Variants in FAM227A observed in about 807,000 individuals in gnomAD.
FAM227A encodes protein FAM227A.
A neutral mutation model predicts 74.7 loss-of-function variants in FAM227A; 80 were observed. The observed-to-expected ratio is 1.07, with a 90% CI of 0.89 to 1.29. The LOEUF is 1.29. Ranked by LOEUF, FAM227A falls within the 50% of genes most tolerant of loss-of-function variation. FAM227A has a pLI of 0.00. For synonymous variants in FAM227A, 237 were observed against 241.8 expected (o/e 0.98, Z 0.19); for missense variants, 654 against 683.4 (o/e 0.96, Z 0.48).
chr22:38,596,138 T>G (rs540992003), intron 15 of FAM227A, among the ~76,000 whole-genome samples: 1 of 152,160 alleles, frequency 6.6e-6, no homozygotes, highest in African/African-American at 2.4e-5. Flanking sequence ...CCAGGCAACA[T>G]GGTGAATCCC....
intron 11 of FAM227A, among the ~76,000 whole-genome samples, chr22:38,609,681 C>T (rs2091369368): frequency 6.6e-6 from 1 of 152,208 alleles, no homozygotes; most frequent in Non-Finnish European, 1.5e-5. Flanking sequence ...GGCTGTCCAA[C>T]AGCTACTGGT....
chr22:38,582,462 C>A lies in FAM227A; in HGVS notation c.*3663G>T. On this transcript the variant is annotated 3_prime_UTR_variant, in exon 17 of 17. Transcript: ENST00000535113. ...TCATTTGCTTTATCCCACATTACAG[C>A]AAATGCTTTTTAAATGTTAGTTCCC... 6.5e-7 allele frequency: 1 copy of A among 1,527,372 alleles called. No individual in the cohort carries two copies. The allele number at this position is 1,527,372 out of a possible 1,614,324, so 94.6% of individuals were successfully genotyped here. A position where few individuals can be genotyped will look rare whatever the true frequency, so the allele number is the denominator to read the frequency against.
At chr22:38,588,393 T>C (rs2090854204) in intron 16 of FAM227A, among the ~76,000 whole-genome samples, 1 of 151,640 alleles carries the variant, frequency 6.6e-6, no homozygotes, top group Admixed American at 6.6e-5. Flanking sequence ...CCGAGGTGGG[T>C]GGATCACCTG....
chr22:38,611,198 C>T (rs936841293), intron 11 of FAM227A, among the ~76,000 whole-genome samples: 3 of 152,212 alleles, frequency 2.0e-5, no homozygotes, highest in Admixed American at 1.3e-4. Flanking sequence ...TGTCCCATCC[C>T]AGCATAGAGG....
In FAM227A at chr22:38,613,136, A is replaced by AAT. The variant is rs1355050256; in HGVS notation, c.1039-5662_1039-5661dup. 3.1e-3 allele frequency among the ~76,000 whole-genome samples: 272 copies of AAT among 88,518 alleles called. 1 individual carries two copies. Among genetic ancestry groups the AAT allele is most frequent in the Non-Finnish European group, 4.4e-3 (222 of 50,836 alleles). The allele number at this position is 88,518 out of a possible 152,430, so 58.1% of individuals were successfully genotyped here. On this transcript the variant is annotated intron_variant, in intron 11 of 16. Coordinates refer to ENST00000535113, the MANE Select transcript of FAM227A (RefSeq NM_001013647.2). Reference sequence around the variant, plus strand: ...ATATATTATATATAATTATATATATAATATATATATTATATATTATATATC... The same window carrying AAT: ...ATATATTATATATAATTATATATATAATATATATATATTATATATTATATATC...
chr22:38,582,584 A>C lies in FAM227A; in HGVS notation c.*3541T>G. 1.3e-6 allele frequency: 1 copy of C among 770,988 alleles called. No homozygotes were observed. The highest frequency in any genetic ancestry group is 2.7e-5 in the East Asian group (1 of 37,378). The allele number at this position is 770,988 out of a possible 1,614,324, so 47.8% of individuals were successfully genotyped here. On this transcript the variant is annotated 3_prime_UTR_variant, in exon 17 of 17. Transcript: ENST00000535113. ...ACAAAGGGCAGAGACAGGTTTCTTC[A>C]TATTTAACATCCTGAGAGGCTACAA...
chr22:38,632,650 GAGT>G (rs1467010878), intron 6 of FAM227A, among the ~76,000 whole-genome samples: 2 of 152,180 alleles, frequency 1.3e-5, no homozygotes, highest in Non-Finnish European at 1.5e-5. Flanking sequence ...AGACGACAGA[GAGT>G]AGAAGGGAGG....
intron 11 of FAM227A, among the ~76,000 whole-genome samples, chr22:38,612,731 C>A (rs2091441682): frequency 6.6e-6 from 1 of 151,970 alleles, no homozygotes; most frequent in African/African-American, 2.4e-5. Context: ...AGACTGTTGA[C>A]AGGAGCAACT....
chr22:38,646,244 A>ATTTTTT (rs1569240881), intron 2 of FAM227A, among the ~76,000 whole-genome samples: 7 of 89,686 alleles, frequency 7.8e-5, no homozygotes, highest in African/African-American at 1.3e-4. Flanking sequence ...TCCTTCCAGT[A>ATTTTTT]TTTCTTTTTT....
chr22:38,621,360 A>AG (rs965563516), intron 10 of FAM227A, among the ~76,000 whole-genome samples: 2 of 150,608 alleles, frequency 1.3e-5, no homozygotes, highest in Non-Finnish European at 3.0e-5. Flanking sequence ...AAAAAAAAAA[A>AG]AAAGAAAGAA....
rs988768962 is a variant in FAM227A, at chr22:38,581,426, CAG to C, written c.*4697_*4698del. 1.3e-5 allele frequency: 2 copies of C among 152,142 alleles called. No individual in the cohort carries two copies. Among genetic ancestry groups the C allele is most frequent in the South Asian group, 2.1e-4 (1 of 4,818 alleles). 9.4% of individuals were successfully genotyped at this position (152,142 alleles called of 1,614,324 possible). A position where few individuals can be genotyped will look rare whatever the true frequency, so the allele number is the denominator to read the frequency against. On this transcript the variant is annotated 3_prime_UTR_variant, in exon 17 of 17. Coordinates refer to ENST00000535113, the MANE Select transcript of FAM227A (RefSeq NM_001013647.2). The stretch of plus-strand genomic sequence containing the variant: ...TTTATTTCTAGGTCATTTCAGTGGA[CAG>C]AGTTTTAGGAAATATATACACATAT...
chr22:38,604,504 G>C (rs1284724078), intron 13 of FAM227A, among the ~76,000 whole-genome samples: 1 of 152,162 alleles, frequency 6.6e-6, no homozygotes, highest in Non-Finnish European at 1.5e-5. Context: ...ACTGAGGTTT[G>C]TGGGGAAGGG....
chr22:38,626,931 A>C (rs2091822837), intron 8 of FAM227A, among the ~76,000 whole-genome samples: 1 of 133,862 alleles, frequency 7.5e-6, no homozygotes, highest in South Asian at 2.4e-4. Flanking sequence ...TATATATTCT[A>C]TATATAGAGA....
At chr22:38,613,296 CATATATAAT>C (rs1569207466) in intron 11 of FAM227A, among the ~76,000 whole-genome samples, 4 of 56,934 alleles carry the variant, frequency 7.0e-5, no homozygotes, top group African/African-American at 2.9e-4. Flanking sequence ...TAATATATAT[CATATATAAT>C]ATATAACATA....
chr22:38,592,328 A>C (rs2090956705), intron 15 of FAM227A, among the ~76,000 whole-genome samples: 1 of 152,214 alleles, frequency 6.6e-6, no homozygotes, highest in Admixed American at 6.5e-5. Flanking sequence ...TTGACAAAAA[A>C]ATCTTTACTA....
Position 38,623,152 on chromosome 22 carries a change from G to A in FAM227A, c.958+20C>T, listed in dbSNP as rs1007965886. On this transcript the variant is annotated intron_variant, in intron 10 of 16. Coordinates refer to ENST00000535113, the MANE Select transcript of FAM227A (RefSeq NM_001013647.2). Reference sequence around the variant, plus strand: ...TATGGCAGTGGCAAAGAAGGCGGGAGGCTGTACCTGCTATCTTACCCTTTG... The same window carrying A: ...TATGGCAGTGGCAAAGAAGGCGGGAAGCTGTACCTGCTATCTTACCCTTTG... 10 of 1,501,924 alleles carry A rather than the reference G, an allele frequency of 6.7e-6. No homozygotes were observed. The Admixed American group carries it at 1.8e-4, about 27-fold the overall frequency. The allele number at this position is 1,501,924 out of a possible 1,614,324, so 93.0% of individuals were successfully genotyped here.
chr22:38,631,740 G>A (rs764025956), intron 6 of FAM227A, among the ~76,000 whole-genome samples: 1 of 151,980 alleles, frequency 6.6e-6, no homozygotes, highest in Non-Finnish European at 1.5e-5. Flanking sequence ...CCGGGACTGG[G>A]AGCGGTTCTG....
chr22:38,641,673 C>G (rs1157978768), intron 3 of FAM227A, among the ~76,000 whole-genome samples: 1 of 150,482 alleles, frequency 6.6e-6, no homozygotes, highest in East Asian at 2.0e-4. Flanking sequence ...TAGCCACCAT[C>G]GAGAAGCAGG....
chr22:38,656,301 T>G lies in FAM227A; in HGVS notation c.-276A>C, dbSNP rs1236848074. 6.6e-6 allele frequency: 1 copy of G among 152,362 alleles called. No individual in the cohort carries two copies. The highest frequency in any genetic ancestry group is 1.5e-5 in the Non-Finnish European group (1 of 68,164). The allele number at this position is 152,362 out of a possible 1,614,324, so 9.4% of individuals were successfully genotyped here. A position where few individuals can be genotyped will look rare whatever the true frequency, so the allele number is the denominator to read the frequency against. Reference sequence around the variant, plus strand: ...GTTGGGGAGAGGCCCATTTTGCTACTCTGAGTCCAGGCGTTCTCTAGGCAA... The same window carrying G: ...GTTGGGGAGAGGCCCATTTTGCTACGCTGAGTCCAGGCGTTCTCTAGGCAA... On this transcript the variant is annotated 5_prime_UTR_variant, in exon 1 of 17. Transcript: ENST00000535113.
Sources: gnomAD v4.1 joint callset for allele counts (sites outside exome capture counted in the v4.1 genomes callset) on GRCh38, gnomAD v4.1.1 for gene constraint, MANE v1.5 for transcripts, NCBI Gene and HGNC (gene_info 2026-07-23, HGNC 2026-07-21) for gene names.